RARA: variants seen among roughly 807,000 people sequenced by gnomAD.
RARA encodes the protein retinoic acid receptor alpha, also known as PML-DDX5-RARA fusion.
Under a neutral mutation model 42.8 loss-of-function variants are expected in RARA, and 5 were observed. The ratio of observed to expected loss-of-function variants is 0.12; its 90% CI spans 0.06 to 0.25. The LOEUF (loss-of-function observed/expected upper bound fraction) is 0.25. Ranked by LOEUF, RARA falls within the 10% of genes least tolerant of loss-of-function variation. The pLI is 1.00. For missense variants in RARA, 402 were observed against 628.7 expected, an observed-to-expected ratio of 0.64 and a Z score of 3.86; for synonymous variants, 256 against 259.5, an observed-to-expected ratio of 0.99 and a Z score of 0.13.
Position 40,352,161 on chromosome 17 carries a change from C to A in RARA, c.630+91C>A. On this transcript the variant is annotated intron_variant, in intron 5 of 8. Transcript: ENST00000254066. This position sits in a 1 kb window ranked among gnomAD's most constrained non-coding sequence, Gnocchi z 4.9. ...CTCAGGCACCCCTTCTTGTGCCAGGCAAGATCTCTGCGTCCTTCCCTTCCC... is the reference window on the plus strand; with the variant it reads ...CTCAGGCACCCCTTCTTGTGCCAGGAAAGATCTCTGCGTCCTTCCCTTCCC... 6 of 1,471,058 alleles carry A rather than the reference C, an allele frequency of 4.1e-6. No homozygotes were observed. Among genetic ancestry groups the A allele is most frequent in the Non-Finnish European group, 4.5e-6 (5 of 1,115,930 alleles). 91.1% of individuals were successfully genotyped at this position (1,471,058 alleles called of 1,614,324 possible).
rs994265706 is a variant in RARA at position 40,341,961 on chromosome 17, C to T, written c.179-6355C>T. ...AGCCTTTCCCCCTTCCTGCTTCTCT[C>T]CTCTCCTCCCCCTTCCCAGGCTGCC... is the stretch of plus-strand genomic sequence containing the variant. On this transcript the variant is annotated intron_variant, in intron 2 of 8. Transcript: ENST00000254066. The T allele has an allele frequency of 2.6e-6, 3 of 1,133,546 alleles. No individual in the cohort carries two copies. The African/African-American group carries it at 4.8e-5, about 18-fold the overall frequency. The allele number at this position is 1,133,546 out of a possible 1,614,324, so 70.2% of individuals were successfully genotyped here.
Position 40,352,553 on chromosome 17 carries a change from G to T in RARA, c.807+46G>T. Reference sequence around the variant, plus strand: ...CCCCAGGCACTGCCCCTGTGTCCTGGGTAGATGTCCTTCCAGCCAGACAGC... The same window carrying T: ...CCCCAGGCACTGCCCCTGTGTCCTGTGTAGATGTCCTTCCAGCCAGACAGC... On this transcript the variant is annotated intron_variant, in intron 6 of 8. Coordinates refer to ENST00000254066, the MANE Select transcript of RARA (RefSeq NM_000964.4). The surrounding 1 kb of genome is among the most constrained non-coding windows in gnomAD (Gnocchi z 4.9). 1 of 1,471,754 alleles carries T rather than the reference G, an allele frequency of 6.8e-7. No individual in the cohort carries two copies. The highest frequency in any genetic ancestry group is 1.3e-5 in the South Asian group (1 of 75,338). The allele number at this position is 1,471,754 out of a possible 1,614,324, so 91.2% of individuals were successfully genotyped here.
At chr17:40,347,849 G>T (rs1380303651) in intron 2 of RARA, among the ~76,000 whole-genome samples, 1 of 151,202 alleles carries the variant, frequency 6.6e-6, no homozygotes, top group Non-Finnish European at 1.5e-5. Flanking sequence ...AGCAGAGGGG[G>T]CGGGGGAGTG....
chr17:40,347,860 G>T (rs998290866), intron 2 of RARA, among the ~76,000 whole-genome samples: 7 of 151,982 alleles, frequency 4.6e-5, no homozygotes, highest in African/African-American at 1.7e-4. Flanking sequence ...CGGGGGAGTG[G>T]CCGGCTTTGA....
chr17:40,330,932 G>T lies in RARA; in HGVS notation c.-287G>T, dbSNP rs978800952. The T allele has an allele frequency of 2.1e-4, 79 of 375,738 alleles. No individual in the cohort carries two copies. The highest frequency in any genetic ancestry group is 1.4e-3 in the African/African-American group (69 of 48,234). The allele number at this position is 375,738 out of a possible 1,614,324, so 23.3% of individuals were successfully genotyped here. On this transcript the variant is annotated 5_prime_UTR_variant, in exon 2 of 9. Coordinates refer to ENST00000254066, the MANE Select transcript of RARA (RefSeq NM_000964.4). ...TGGCATCTTTTTTGGTGCCCTGAAG[G>T]CCAGCTCTGGACCTTCCCAGGAAAA...
rs1400154928 is a variant in RARA, at chr17:40,349,765, C to G, written c.328-19C>G. On this transcript the variant is annotated intron_variant, in intron 3 of 8. Coordinates refer to ENST00000254066, the MANE Select transcript of RARA (RefSeq NM_000964.4). ...CACTGTGGGTGTGGACAACCTGACT[C>G]CCTCCCCTCCATACCCAGGGCTTCT... 2 of 1,613,590 alleles carry G rather than the reference C, an allele frequency of 1.2e-6. No individual in the cohort carries two copies. The highest frequency in any genetic ancestry group is 8.5e-7 in the Non-Finnish European group (1 of 1,179,712).
chr17:40,345,445 T>C lies in RARA; in HGVS notation c.179-2871T>C. On this transcript the variant is annotated intron_variant, in intron 2 of 8. Transcript: ENST00000254066. The surrounding 1 kb of genome is among the most constrained non-coding windows in gnomAD (Gnocchi z 4.8). ...GGGCCCGGCTGATTTCCTGCTGATC[T>C]CCTCCAGGAAACCGGCCCCTTGTGC... 1 of 152,334 alleles carries C rather than the reference T, an allele frequency of 6.6e-6. No individual in the cohort carries two copies. Among genetic ancestry groups the C allele is most frequent in the Non-Finnish European group, 1.5e-5 (1 of 68,056 alleles). 9.4% of individuals were successfully genotyped at this position (152,334 alleles called of 1,614,324 possible). A position where few individuals can be genotyped will look rare whatever the true frequency, so the allele number is the denominator to read the frequency against.
chr17:40,322,581 C>G (rs977677751), intron 1 of RARA, among the ~76,000 whole-genome samples: 1 of 152,158 alleles, frequency 6.6e-6, no homozygotes, highest in African/African-American at 2.4e-5. Flanking sequence ...GCCTCTGTCC[C>G]CTGGGTCCTA....
In RARA at chr17:40,357,332, G is replaced by A. The variant is rs74396306; in HGVS notation, c.*1106G>A. Reference sequence around the variant, plus strand: ...CCCCAGACACCACACACATGCGCGTGCGCACACACACAAACACACACACAC... The same window carrying A: ...CCCCAGACACCACACACATGCGCGTACGCACACACACAAACACACACACAC... On this transcript the variant is annotated 3_prime_UTR_variant, in exon 9 of 9. Coordinates refer to ENST00000254066, the MANE Select transcript of RARA (RefSeq NM_000964.4). The A allele has an allele frequency of 5.9e-3, 1,392 of 234,668 alleles. 19 individuals carry two copies. The highest frequency in any genetic ancestry group is 0.029 in the African/African-American group (1,311 of 45,150). The allele number at this position is 234,668 out of a possible 1,614,324, so 14.5% of individuals were successfully genotyped here.
chr17:40,334,940 A>G (rs2033802214), intron 2 of RARA, among the ~76,000 whole-genome samples: 1 of 152,040 alleles, frequency 6.6e-6, no homozygotes, highest in Admixed American at 6.5e-5. Context: ...GGAGCCCTAG[A>G]GATGGTCCGG....
Position 40,356,882 on chromosome 17 carries a change from G to A in RARA, c.*656G>A. 2 of 422,740 alleles carry A rather than the reference G, an allele frequency of 4.7e-6. No homozygotes were observed. Among genetic ancestry groups the A allele is most frequent in the Non-Finnish European group, 8.8e-6 (2 of 228,092 alleles). 26.2% of individuals were successfully genotyped at this position (422,740 alleles called of 1,614,324 possible). A position where few individuals can be genotyped will look rare whatever the true frequency, so the allele number is the denominator to read the frequency against. ...TGGGTCCGGGGGAGGGAGTGGCTCG[G>A]AAGGGGCCCCCACTCTCCTTTCATG... On this transcript the variant is annotated 3_prime_UTR_variant, in exon 9 of 9. Transcript: ENST00000254066.
At position 40,341,798 on chromosome 17, in the gene RARA, G is replaced by C; in HGVS notation, c.179-6518G>C. ...CCACGGCTTCGCTCGGCCAGGGACTGACCAAACCTTGGGGGAGCCTGGGAG... is the reference window on the plus strand; with the variant it reads ...CCACGGCTTCGCTCGGCCAGGGACTCACCAAACCTTGGGGGAGCCTGGGAG... On this transcript the variant is annotated intron_variant, in intron 2 of 8. Transcript: ENST00000254066. The C allele has an allele frequency of 2.4e-6, 3 of 1,242,406 alleles. No individual in the cohort carries two copies. The South Asian group carries it at 8.0e-5, about 33-fold the overall frequency. The allele number at this position is 1,242,406 out of a possible 1,614,324, so 77.0% of individuals were successfully genotyped here.
Position 40,326,109 on chromosome 17 carries a change from G to A in RARA, c.-362-4748G>A, listed in dbSNP as rs973207781. The stretch of plus-strand genomic sequence containing the variant: ...TCCATCCGAGGGAAGCAGACCCTGG[G>A]AAATGGGTAATTCTCCCTCCTGGCC... On this transcript the variant is annotated intron_variant, in intron 1 of 8. Transcript: ENST00000254066. This position sits in a 1 kb window ranked among gnomAD's most constrained non-coding sequence, Gnocchi z 5.2. Among the ~76,000 whole-genome samples, 2 of 152,228 alleles carry A rather than the reference G, an allele frequency of 1.3e-5. No homozygotes were observed. The highest frequency in any genetic ancestry group is 2.9e-5 in the Non-Finnish European group (2 of 68,032).
intron 2 of RARA, among the ~76,000 whole-genome samples, chr17:40,334,235 G>T (rs2033782026): frequency 6.6e-6 from 1 of 152,146 alleles, no homozygotes; most frequent in Non-Finnish European, 1.5e-5. Flanking sequence ...ATGTGGGTGG[G>T]GTGCCCACAT....
chr17:40,315,100 GTATA>G (rs10653964), intron 1 of RARA, among the ~76,000 whole-genome samples: 6 of 72,784 alleles, frequency 8.2e-5, no homozygotes, highest in Admixed American at 1.7e-4. Context: ...TGGGTTATAT[GTATA>G]TATATATATA....
intron 2 of RARA, among the ~76,000 whole-genome samples, chr17:40,331,901 G>A (rs1039465372): frequency 1.3e-5 from 2 of 152,096 alleles, no homozygotes; most frequent in African/African-American, 4.8e-5. Flanking sequence ...CTCCACCCCC[G>A]GCCATGCTAG....
intron 2 of RARA, among the ~76,000 whole-genome samples, chr17:40,339,565 C>T (rs926929564): frequency 6.6e-6 from 1 of 152,140 alleles, no homozygotes; most frequent in African/African-American, 2.4e-5. Context: ...CCTAGCTTCT[C>T]CTCTCCAGCT....
chr17:40,318,964 C>A (rs2033289273), intron 1 of RARA, among the ~76,000 whole-genome samples: 1 of 152,186 alleles, frequency 6.6e-6, no homozygotes, highest in African/African-American at 2.4e-5. Context: ...TGAGGGGAAC[C>A]GTCAGAATTG....
chr17:40,353,108 C>G (rs1036981000), intron 6 of RARA, among the ~76,000 whole-genome samples: 3 of 152,114 alleles, frequency 2.0e-5, no homozygotes, highest in Non-Finnish European at 4.4e-5. Flanking sequence ...CTGCTTGGGC[C>G]TGAAGGATGA....
Sources: gnomAD v4.1 joint callset for allele counts (sites outside exome capture counted in the v4.1 genomes callset) on GRCh38, gnomAD v4.1.1 for gene constraint, Gnocchi (gnomAD v3.1) non-coding constraint, MANE v1.5 for transcripts, NCBI Gene and HGNC (gene_info 2026-07-23, HGNC 2026-07-21) for gene names.